Variants in BACH2 observed in about 807,000 individuals in gnomAD.
BACH2 encodes the protein BACH transcriptional regulator 2, also known as transcription regulator protein BACH2.
A neutral mutation model predicts 61.8 loss-of-function variants in BACH2; 5 were observed. The ratio of observed to expected loss-of-function variants is 0.08; its 90% CI spans 0.04 to 0.17. The LOEUF (loss-of-function observed/expected upper bound fraction) is 0.17. Ranked by LOEUF, BACH2 falls within the 10% of genes least tolerant of loss-of-function variation. The pLI, the probability that BACH2 is intolerant of heterozygous loss-of-function variation, is 1.00. For missense variants in BACH2, 824 were observed against 1,091.1 expected (o/e 0.76, Z 3.45); for synonymous variants, 446 against 440.1 (o/e 1.01, Z -0.17).
At chr6:89,988,881 TG>T (rs1314558635) in intron 6 of BACH2, among the ~76,000 whole-genome samples, 1 of 152,250 alleles carries the variant, frequency 6.6e-6, no homozygotes, top group Non-Finnish European at 1.5e-5. Flanking sequence ...ATCTGTTTTC[TG>T]TGACAATGGT....
chr6:90,012,491 A>G (rs1777777214), intron 5 of BACH2, among the ~76,000 whole-genome samples: 1 of 151,652 alleles, frequency 6.6e-6, no homozygotes, highest in African/African-American at 2.4e-5. Flanking sequence ...TTAGCCAGGC[A>G]TGGTAGCGTG....
chr6:89,982,117 T>C (rs1268737780), intron 6 of BACH2, among the ~76,000 whole-genome samples: 2 of 152,104 alleles, frequency 1.3e-5, no homozygotes, highest in Non-Finnish European at 2.9e-5. Context: ...ATTACAGGTG[T>C]GAGCCACTGT....
intron 5 of BACH2, among the ~76,000 whole-genome samples, chr6:90,083,664 A>G (rs1346901286): frequency 6.6e-6 from 1 of 152,196 alleles, no homozygotes; most frequent in East Asian, 1.9e-4. Flanking sequence ...CTTAACATAA[A>G]CAGAACATTC....
intron 3 of BACH2, among the ~76,000 whole-genome samples, chr6:90,247,324 C>A (rs1280030640): frequency 6.6e-6 from 1 of 150,758 alleles, no homozygotes; most frequent in Admixed American, 6.6e-5. Context: ...CAATCTCTAA[C>A]TCCTGGGCTC....
intron 5 of BACH2, among the ~76,000 whole-genome samples, chr6:90,060,479 C>CT (rs1273405446): frequency 6.6e-6 from 1 of 151,942 alleles, no homozygotes; most frequent in Non-Finnish European, 1.5e-5. Context: ...TTCTTTAGCT[C>CT]TTTTTCAGAA....
At chr6:90,264,752 T>C (rs1771270703) in intron 2 of BACH2, among the ~76,000 whole-genome samples, 1 of 152,166 alleles carries the variant, frequency 6.6e-6, no homozygotes, top group African/African-American at 2.4e-5. Flanking sequence ...CCTTTGGGGT[T>C]TCCTCGTCTT....
intron 4 of BACH2, among the ~76,000 whole-genome samples, chr6:90,135,078 G>A (rs1784226252): frequency 6.6e-6 from 1 of 152,186 alleles, no homozygotes; most frequent in South Asian, 2.1e-4. Flanking sequence ...CCGTGCAACA[G>A]TATCACCTCC....
chr6:90,273,192 T>C (rs758785371), intron 1 of BACH2, among the ~76,000 whole-genome samples: 20 of 150,376 alleles, frequency 1.3e-4, no homozygotes, highest in South Asian at 1.3e-3. Flanking sequence ...AGTTCCTGTT[T>C]CTATGGGGAA....
intron 4 of BACH2, among the ~76,000 whole-genome samples, chr6:90,131,875 A>G (rs1582402383): frequency 6.6e-6 from 1 of 151,694 alleles, no homozygotes; most frequent in African/African-American, 2.4e-5. Flanking sequence ...AATTAAGCTC[A>G]CCATTGTTAT....
rs1438110988 is a variant in BACH2, at chr6:89,939,772, C to T, written c.1837-1422G>A. Among the ~76,000 whole-genome samples the T allele has an allele frequency of 1.8e-4, 26 of 147,842 alleles. 1 individual carries two copies. On this transcript the variant is annotated intron_variant, in intron 7 of 8. Coordinates refer to ENST00000257749, the MANE Select transcript of BACH2 (RefSeq NM_021813.4). ...CTTAACCTCCTGGGCTCAAGCAATCCTCTTGCCTTGGCCTCCCAAGTAGCT... is the reference window on the plus strand; with the variant it reads ...CTTAACCTCCTGGGCTCAAGCAATCTTCTTGCCTTGGCCTCCCAAGTAGCT...
intron 5 of BACH2, among the ~76,000 whole-genome samples, chr6:90,042,321 T>C (rs949565318): frequency 2.0e-5 from 3 of 152,102 alleles, no homozygotes; most frequent in African/African-American, 7.2e-5. Flanking sequence ...GCTTCCCGAA[T>C]AGCTGGGACT....
intron 1 of BACH2, among the ~76,000 whole-genome samples, chr6:90,293,758 C>A (rs1772254019): frequency 6.6e-6 from 1 of 152,222 alleles, no homozygotes. Flanking sequence ...ACCATCACTG[C>A]AAAGTGCATT....
chr6:90,093,879 G>A, intron 4 of BACH2, among the ~76,000 whole-genome samples: 1 of 152,172 alleles, frequency 6.6e-6, no homozygotes, highest in East Asian at 1.9e-4. Flanking sequence ...GAAAAGGTGG[G>A]TGAGGAGATA....
rs1003920599 is a variant in BACH2, at chr6:90,283,942, G to A, written c.-445-12001C>T. On this transcript the variant is annotated intron_variant, in intron 1 of 8. Transcript: ENST00000257749. ...GGATCACTTGAACCTGGGAGGTGGA[G>A]GGTGCAGTGGGCCGAGATCGCACCA... 9.2e-5 allele frequency among the ~76,000 whole-genome samples: 14 copies of A among 152,118 alleles called. 3 individuals are homozygous for A. The highest frequency in any genetic ancestry group is 4.2e-4 in the South Asian group (2 of 4,818).
At chr6:90,187,260 G>A (rs1768392829) in intron 4 of BACH2, among the ~76,000 whole-genome samples, 1 of 152,188 alleles carries the variant, frequency 6.6e-6, no homozygotes, top group Non-Finnish European at 1.5e-5. Flanking sequence ...TCTGTGGAAA[G>A]CACCCCCTAA....
chr6:89,973,522 C>A (rs1775484369), intron 6 of BACH2, among the ~76,000 whole-genome samples: 1 of 152,338 alleles, frequency 6.6e-6, no homozygotes, highest in South Asian at 2.1e-4. Context: ...GTGATTCCGA[C>A]CCTCCTGCCT....
intron 2 of BACH2, among the ~76,000 whole-genome samples, chr6:90,260,994 C>T (rs753851278): frequency 6.6e-5 from 10 of 152,180 alleles, no homozygotes; most frequent in Non-Finnish European, 8.8e-5. Flanking sequence ...GACTGGGAGA[C>T]GCTAGTGGCA....
At chr6:90,155,086 A>C (rs776009579) in intron 4 of BACH2, among the ~76,000 whole-genome samples, 1 of 152,192 alleles carries the variant, frequency 6.6e-6, no homozygotes, top group Non-Finnish European at 1.5e-5. Context: ...ATTTATATGG[A>C]TATAATAAGC....
At chr6:90,118,821 A>T (rs906845590) in intron 4 of BACH2, among the ~76,000 whole-genome samples, 1 of 152,148 alleles carries the variant, frequency 6.6e-6, no homozygotes, top group African/African-American at 2.4e-5. Context: ...TACAGTCATT[A>T]AGGCGTGGGA....
Sources: gnomAD v4.1 joint callset for allele counts (sites outside exome capture counted in the v4.1 genomes callset) on GRCh38, gnomAD v4.1.1 for gene constraint, MANE v1.5 for transcripts, NCBI Gene and HGNC (gene_info 2026-07-23, HGNC 2026-07-21) for gene names.